Variants in MAML2 observed in about 807,000 individuals in gnomAD.
The protein encoded by MAML2 is mastermind-like protein 2.
Under a neutral mutation model 96.1 loss-of-function variants are expected in MAML2, and 22 were observed. The observed-to-expected ratio is 0.23, with a 90% CI of 0.16 to 0.33. The LOEUF (loss-of-function observed/expected upper bound fraction) is 0.33. Among genes scored for constraint, MAML2 ranks in the 10% least tolerant of loss-of-function variants. The pLI is 1.00. For missense variants in MAML2, 1,367 were observed against 1,392.4 expected (o/e 0.98, Z 0.29); for synonymous variants, 561 against 521.3 (o/e 1.08, Z -1.04).
chr11:96,245,663 C>T (rs1862500763), intron 1 of MAML2, among the ~76,000 whole-genome samples: 1 of 151,506 alleles, frequency 6.6e-6, no homozygotes. Context: ...TGTGCCCTAA[C>T]TCAAGCTATT....
intron 1 of MAML2, among the ~76,000 whole-genome samples, chr11:96,238,717 G>C (rs551269926): frequency 5.8e-4 from 88 of 152,340 alleles, no homozygotes; most frequent in African/African-American, 2.0e-3. Flanking sequence ...AGGCATGTGA[G>C]CTTATTCAAG....
chr11:95,998,306 A>C (rs1002289684), intron 2 of MAML2, among the ~76,000 whole-genome samples: 1 of 152,126 alleles, frequency 6.6e-6, no homozygotes, highest in Non-Finnish European at 1.5e-5. Flanking sequence ...CTCTGCTAAA[A>C]TTACAGAAAC....
Position 96,269,463 on chromosome 11 carries a change from GTA to G in MAML2, c.513+71918_513+71919del, listed in dbSNP as rs1862882452. On this transcript the variant is annotated intron_variant, in intron 1 of 4. Transcript: ENST00000524717. ...CACTCACTTTGGCATGTCCTAGTAA[GTA>G]TATATATAATCCATTAAAAACCTCT... Among the ~76,000 whole-genome samples the G allele has an allele frequency of 1.4e-5, 2 of 144,538 alleles. 1 individual carries two copies. Among genetic ancestry groups the G allele is most frequent in the African/African-American group, 5.3e-5 (2 of 37,782 alleles). The allele number at this position is 144,538 out of a possible 152,430, so 94.8% of individuals were successfully genotyped here. A position where few individuals can be genotyped will look rare whatever the true frequency, so the allele number is the denominator to read the frequency against.
At chr11:96,303,514 T>A (rs1205117767) in intron 1 of MAML2, among the ~76,000 whole-genome samples, 1 of 152,172 alleles carries the variant, frequency 6.6e-6, no homozygotes, top group Non-Finnish European at 1.5e-5. Flanking sequence ...TACAAAAAAC[T>A]ACAAACACAG....
chr11:96,025,022 G>A (rs948600996), intron 2 of MAML2, among the ~76,000 whole-genome samples: 5 of 152,080 alleles, frequency 3.3e-5, no homozygotes, highest in East Asian at 1.9e-4. Context: ...ACAAACTACC[G>A]TTCAACCCAG....
chr11:96,105,875 A>AG (rs1184074158), intron 1 of MAML2, among the ~76,000 whole-genome samples: 1 of 34,998 alleles, frequency 2.9e-5, no homozygotes, highest in Non-Finnish European at 1.0e-4. Flanking sequence ...GTTATAATGG[A>AG]AAAAAAAAAA....
At chr11:96,324,152 C>T (rs1364914022) in intron 1 of MAML2, among the ~76,000 whole-genome samples, 2 of 152,136 alleles carry the variant, frequency 1.3e-5, no homozygotes, top group Admixed American at 1.3e-4. Context: ...ATACGAGGTG[C>T]GAAGTCATGA....
At chr11:96,228,183 T>C (rs1401162235) in intron 1 of MAML2, among the ~76,000 whole-genome samples, 1 of 152,174 alleles carries the variant, frequency 6.6e-6, no homozygotes, top group Non-Finnish European at 1.5e-5. Context: ...CTGATGAGCT[T>C]CTGGACAGCC....
chr11:96,323,955 T>C (rs1863742213), intron 1 of MAML2, among the ~76,000 whole-genome samples: 1 of 152,260 alleles, frequency 6.6e-6, no homozygotes, highest in Non-Finnish European at 1.5e-5. Context: ...AAGAGACGAC[T>C]GGCAACAGTC....
intron 2 of MAML2, among the ~76,000 whole-genome samples, chr11:95,996,207 C>G (rs1349425284): frequency 2.0e-5 from 3 of 151,954 alleles, no homozygotes; most frequent in African/African-American, 7.3e-5. Flanking sequence ...TTCTAGAGAC[C>G]AAAATGTACT....
At chr11:96,054,490 G>C (rs1356004264) in intron 2 of MAML2, among the ~76,000 whole-genome samples, 1 of 152,196 alleles carries the variant, frequency 6.6e-6, no homozygotes, top group Non-Finnish European at 1.5e-5. Flanking sequence ...AGTTTAAGGA[G>C]GGGTTCCTTT....
chr11:96,121,501 C>T (rs1860339349), intron 1 of MAML2, among the ~76,000 whole-genome samples: 1 of 152,060 alleles, frequency 6.6e-6, no homozygotes, highest in South Asian at 2.1e-4. Context: ...TCAATAAACC[C>T]TCAATAAACA....
chr11:96,095,769 C>G (rs1429052816), intron 1 of MAML2, among the ~76,000 whole-genome samples: 1 of 152,190 alleles, frequency 6.6e-6, no homozygotes, highest in Non-Finnish European at 1.5e-5. Context: ...GCATCTGTTA[C>G]TTTCAACAAA....
chr11:96,271,938 T>C (rs1210940349), intron 1 of MAML2, among the ~76,000 whole-genome samples: 1 of 152,214 alleles, frequency 6.6e-6, no homozygotes, highest in Non-Finnish European at 1.5e-5. Flanking sequence ...GCCACCTTGT[T>C]ATTCCTAGAG....
At chr11:96,166,466 G>A (rs924873965) in intron 1 of MAML2, among the ~76,000 whole-genome samples, 8 of 152,200 alleles carry the variant, frequency 5.3e-5, no homozygotes, top group African/African-American at 1.9e-4. Flanking sequence ...AGGGTGTGCA[G>A]ACTGATAGAC....
At chr11:96,139,337 C>T (rs1337466622) in intron 1 of MAML2, among the ~76,000 whole-genome samples, 9 of 152,014 alleles carry the variant, frequency 5.9e-5, no homozygotes, top group Non-Finnish European at 8.8e-5. Context: ...ATTAGCCGGG[C>T]GTGGTGGCGG....
At chr11:96,200,377 C>T (rs147447172) in intron 1 of MAML2, among the ~76,000 whole-genome samples, 177 of 152,304 alleles carry the variant, frequency 1.2e-3, no homozygotes, top group African/African-American at 3.9e-3. Flanking sequence ...TTTCTTGAGT[C>T]AGATCTCAGA....
intron 1 of MAML2, among the ~76,000 whole-genome samples, chr11:96,165,156 C>A (rs1362748948): frequency 6.6e-6 from 1 of 151,536 alleles, no homozygotes; most frequent in African/African-American, 2.4e-5. Flanking sequence ...CATCATTATA[C>A]ATTGCTTTGT....
intron 1 of MAML2, among the ~76,000 whole-genome samples, chr11:96,296,041 AT>A (rs1350372711): frequency 5.9e-5 from 9 of 151,464 alleles, no homozygotes; most frequent in Admixed American, 1.3e-4. Flanking sequence ...TTCTCATTCT[AT>A]TTCATTTTTT....
Sources: gnomAD v4.1 joint callset for allele counts (sites outside exome capture counted in the v4.1 genomes callset) on GRCh38, gnomAD v4.1.1 for gene constraint, MANE v1.5 for transcripts, NCBI Gene and HGNC (gene_info 2026-07-23, HGNC 2026-07-21) for gene names.